Variants in LIMCH1 observed in about 807,000 individuals in gnomAD.
LIMCH1 encodes the protein LIM and calponin homology domains-containing protein 1.
A neutral mutation model predicts 176.5 loss-of-function variants in LIMCH1; 113 were observed. That is an observed-to-expected ratio of 0.64 (90% confidence interval 0.55 to 0.75). The LOEUF (loss-of-function observed/expected upper bound fraction) is 0.75, where lower values mean the gene tolerates loss of function less well. Among genes scored for constraint, LIMCH1 ranks in the 30% least tolerant of loss-of-function variants. LIMCH1 has a pLI of 0.00. For missense variants in LIMCH1, 1,674 were observed against 1,814.9 expected (o/e 0.92, Z 1.41); for synonymous variants, 619 against 645.9 (o/e 0.96, Z 0.63).
At chr4:41,662,697 T>C (rs1162465700) in intron 19 of LIMCH1, 124 bp from the exon 20 acceptor site, 1 of 1,007,802 alleles carries the variant, frequency 9.9e-7, no homozygotes, top group Non-Finnish European at 1.5e-6. Context: ...ACACTGTCAT[T>C]CAGCTTATAT....
intron 23 of LIMCH1, among the ~76,000 whole-genome samples, chr4:41,677,412 AAAAAGAAAAAAG>A (rs1402528204): frequency 6.6e-6 from 1 of 152,168 alleles, no homozygotes; most frequent in Non-Finnish European, 1.5e-5. Context: ...CCATCTCAAA[AAAAAGAAAAAAG>A]AAAAGAAAAA....
At chr4:41,540,997 C>G (rs767623609) in intron 1 of LIMCH1, among the ~76,000 whole-genome samples, 1 of 152,060 alleles carries the variant, frequency 6.6e-6, no homozygotes, top group Non-Finnish European at 1.5e-5. Flanking sequence ...AACTTAGCTC[C>G]CAACAGGAAA....
At chr4:41,624,635 C>T (rs1344064657) in intron 7 of LIMCH1, among the ~76,000 whole-genome samples, 1 of 151,882 alleles carries the variant, frequency 6.6e-6, no homozygotes, top group Non-Finnish European at 1.5e-5. Flanking sequence ...TCCAGTGTCA[C>T]CCAGGACATT....
intron 1 of LIMCH1, among the ~76,000 whole-genome samples, chr4:41,573,422 T>C (rs915970966): frequency 2.0e-5 from 3 of 152,224 alleles, no homozygotes; most frequent in Non-Finnish European, 2.9e-5. Context: ...GACATTCCTC[T>C]AGTAATTTCT....
chr4:41,635,535 CTT>C (rs1341800562), intron 13 of LIMCH1, among the ~76,000 whole-genome samples: 8 of 152,094 alleles, frequency 5.3e-5, no homozygotes, highest in Non-Finnish European at 1.0e-4. Context: ...GCCTGTCACT[CTT>C]TGTGATTCTG....
intron 2 of LIMCH1, among the ~76,000 whole-genome samples, chr4:41,496,921 A>G (rs2072253065): frequency 6.6e-6 from 1 of 152,208 alleles, no homozygotes; most frequent in African/African-American, 2.4e-5. Flanking sequence ...AGAACTGGAG[A>G]GAGTTTAGTG....
intron 1 of LIMCH1, among the ~76,000 whole-genome samples, chr4:41,427,520 C>T (rs190578933): frequency 1.2e-4 from 18 of 152,302 alleles, no homozygotes; most frequent in Admixed American, 4.6e-4. Flanking sequence ...CAGTGACCTC[C>T]GCTGGGCCAG....
intron 1 of LIMCH1, among the ~76,000 whole-genome samples, chr4:41,419,683 CCT>C (rs2060407840): frequency 4.9e-5 from 2 of 41,066 alleles, no homozygotes; most frequent in African/African-American, 1.2e-4. Context: ...CTTCCTTCCT[CCT>C]TCCTTCCTTC....
intron 17 of LIMCH1, among the ~76,000 whole-genome samples, chr4:41,650,083 A>G (rs2094225356): frequency 6.6e-6 from 1 of 152,218 alleles, no homozygotes; most frequent in Admixed American, 6.5e-5. Context: ...TGTGGCATGT[A>G]TTTGTACTTA....
intron 18 of LIMCH1, among the ~76,000 whole-genome samples, chr4:41,654,684 A>G (rs1309782174): frequency 1.3e-5 from 2 of 152,108 alleles, no homozygotes; most frequent in Non-Finnish European, 2.9e-5. Flanking sequence ...TTTGTGTTGA[A>G]GTGGAGGAGG....
chr4:41,621,582 A>G (rs1410257324), intron 7 of LIMCH1, among the ~76,000 whole-genome samples: 1 of 151,704 alleles, frequency 6.6e-6, no homozygotes, highest in Admixed American at 6.6e-5. Context: ...GCTCACTGCA[A>G]CCTCTGCTTC....
At chr4:41,620,287 A>C in intron 6 of LIMCH1, 137 bp from the exon 7 acceptor site, 1 of 839,804 alleles carries the variant, frequency 1.2e-6, no homozygotes, top group Non-Finnish European at 1.8e-6. Flanking sequence ...TTTTCTTCAC[A>C]TTATCAGGAT....
intron 3 of LIMCH1, among the ~76,000 whole-genome samples, chr4:41,604,690 C>T (rs958535706): frequency 6.6e-6 from 1 of 152,098 alleles, no homozygotes; most frequent in African/African-American, 2.4e-5. Context: ...TTAAGATAGC[C>T]TCATACTCTC....
chr4:41,542,582 A>AT (rs1037580142), intron 1 of LIMCH1, among the ~76,000 whole-genome samples: 3 of 152,068 alleles, frequency 2.0e-5, no homozygotes, highest in Non-Finnish European at 4.4e-5. Flanking sequence ...TTGTTTCTTG[A>AT]TTTTTTTGCC....
intron 1 of LIMCH1, among the ~76,000 whole-genome samples, chr4:41,370,217 A>G: frequency 6.6e-6 from 1 of 152,232 alleles, no homozygotes; most frequent in South Asian, 2.1e-4. Context: ...TCTTTCCCTA[A>G]GTCAAAGCAA....
At chr4:41,405,005 C>T (rs2058819333) in intron 1 of LIMCH1, among the ~76,000 whole-genome samples, 1 of 151,988 alleles carries the variant, frequency 6.6e-6, no homozygotes, top group Non-Finnish European at 1.5e-5. Flanking sequence ...TTCTTTAACC[C>T]ATTTTTTCTG....
At chr4:41,568,331 A>G (rs985570715) in intron 1 of LIMCH1, among the ~76,000 whole-genome samples, 3 of 152,232 alleles carry the variant, frequency 2.0e-5, no homozygotes, top group Admixed American at 1.3e-4. Context: ...AAATAATTTT[A>G]AAACAAAAAG....
At chr4:41,540,726 A>G (rs186810709) in intron 1 of LIMCH1, among the ~76,000 whole-genome samples, 62 of 152,326 alleles carry the variant, frequency 4.1e-4, no homozygotes, top group Non-Finnish European at 7.5e-4. Flanking sequence ...AAAGAAAAAA[A>G]AAGAATAATA....
chr4:41,446,487 T>C (rs1229540846), intron 1 of LIMCH1, among the ~76,000 whole-genome samples: 1 of 152,210 alleles, frequency 6.6e-6, no homozygotes, highest in Non-Finnish European at 1.5e-5. Context: ...CAGATGGGAA[T>C]AGCTGGAATG....
Sources: gnomAD v4.1 joint callset for allele counts (sites outside exome capture counted in the v4.1 genomes callset) on GRCh38, gnomAD v4.1.1 for gene constraint, MANE v1.5 for transcripts, NCBI Gene and HGNC (gene_info 2026-07-23, HGNC 2026-07-21) for gene names.